The following AUTS2 variants were observed in gnomAD, a reference collection of about 807,000 sequenced individuals.
AUTS2 encodes the protein autism susceptibility gene 2 protein.
A neutral mutation model predicts 112.4 loss-of-function variants in AUTS2; 17 were observed. The ratio of observed to expected loss-of-function variants is 0.15; its 90% CI spans 0.10 to 0.23. The LOEUF (loss-of-function observed/expected upper bound fraction) is 0.23. Among genes scored for constraint, AUTS2 ranks in the 10% least tolerant of loss-of-function variants. AUTS2 has a pLI of 1.00. For synonymous variants in AUTS2, 751 were observed against 702.7 expected, an observed-to-expected ratio of 1.07 and a Z score of -1.09; for missense variants, 1,510 against 1,701.6, an observed-to-expected ratio of 0.89 and a Z score of 1.98.
intron 1 of AUTS2, among the ~76,000 whole-genome samples, chr7:69,712,102 A>T (rs1478652301): frequency 2.0e-5 from 3 of 152,060 alleles, no homozygotes; most frequent in African/African-American, 4.8e-5. Context: ...TCCTTCCCTC[A>T]TCATGGCACT....
At chr7:69,984,300 G>C (rs1360685555) in intron 2 of AUTS2, among the ~76,000 whole-genome samples, 1 of 151,724 alleles carries the variant, frequency 6.6e-6, no homozygotes, top group African/African-American at 2.4e-5. Context: ...CCAGCTACTT[G>C]GGAGGCTGAG....
intron 6 of AUTS2, among the ~76,000 whole-genome samples, chr7:70,727,181 T>C (rs1787088005): frequency 6.6e-6 from 1 of 152,216 alleles, no homozygotes; most frequent in Admixed American, 6.5e-5. Context: ...TTTCCGATTG[T>C]GATCAGGTTA....
chr7:70,650,053 T>C (rs1190754531), intron 5 of AUTS2, among the ~76,000 whole-genome samples: 4 of 152,212 alleles, frequency 2.6e-5, no homozygotes, highest in African/African-American at 4.8e-5. Flanking sequence ...GATTGGCTTC[T>C]CTGCCATTCT....
intron 4 of AUTS2, among the ~76,000 whole-genome samples, chr7:70,319,684 C>A (rs1416756321): frequency 1.3e-5 from 2 of 152,124 alleles, no homozygotes; most frequent in Admixed American, 6.6e-5. Context: ...TCTTGGTTTC[C>A]TCAGGGCTCA....
At chr7:69,649,454 A>G (rs1189518869) in intron 1 of AUTS2, among the ~76,000 whole-genome samples, 1 of 152,088 alleles carries the variant, frequency 6.6e-6, no homozygotes, top group East Asian at 1.9e-4. Flanking sequence ...ACAGTTGCCA[A>G]CAACCCGTGG....
chr7:70,698,288 G>A (rs540118245), intron 5 of AUTS2, among the ~76,000 whole-genome samples: 1 of 152,298 alleles, frequency 6.6e-6, no homozygotes, highest in East Asian at 1.9e-4. Flanking sequence ...GAGCTGAATT[G>A]CTTTGTGTAT....
chr7:70,498,159 G>T (rs1322616250), intron 5 of AUTS2, among the ~76,000 whole-genome samples: 2 of 152,166 alleles, frequency 1.3e-5, no homozygotes, highest in Non-Finnish European at 2.9e-5. Context: ...GAGGATGTCT[G>T]GGGAAGAGAA....
At chr7:69,864,166 T>A (rs899896175) in intron 1 of AUTS2, among the ~76,000 whole-genome samples, 1 of 152,164 alleles carries the variant, frequency 6.6e-6, no homozygotes, top group Non-Finnish European at 1.5e-5. Context: ...ACACATACTT[T>A]GTTCCAACAT....
intron 5 of AUTS2, among the ~76,000 whole-genome samples, chr7:70,573,048 G>C (rs1340106935): frequency 1.3e-5 from 2 of 152,112 alleles, no homozygotes; most frequent in East Asian, 3.9e-4. Context: ...ACTCTTCGGA[G>C]AGAACGGAGT....
intron 4 of AUTS2, among the ~76,000 whole-genome samples, chr7:70,401,303 G>A (rs1794316347): frequency 6.6e-6 from 1 of 152,154 alleles, no homozygotes; most frequent in Non-Finnish European, 1.5e-5. Flanking sequence ...GTGCCAGGAT[G>A]GGGCATATCA....
chr7:70,093,825 C>G (rs1381365793), intron 2 of AUTS2, among the ~76,000 whole-genome samples: 1 of 152,180 alleles, frequency 6.6e-6, no homozygotes, highest in African/African-American at 2.4e-5. Flanking sequence ...GGATCTAAAC[C>G]CAATAACCTT....
chr7:70,641,028 C>T (rs1033469467), intron 5 of AUTS2, among the ~76,000 whole-genome samples: 1 of 152,186 alleles, frequency 6.6e-6, no homozygotes. Context: ...CTTTTTCTCT[C>T]TCATTGGTCT....
intron 11 of AUTS2, 92 bp downstream of exon 11, chr7:70,771,736 C>G: frequency 8.9e-7 from 1 of 1,117,404 alleles, no homozygotes; most frequent in Non-Finnish European, 1.3e-6. Flanking sequence ...CTTGCCTGTG[C>G]AGTGACTCAT....
intron 5 of AUTS2, among the ~76,000 whole-genome samples, chr7:70,575,885 T>C (rs1802143793): frequency 6.6e-6 from 1 of 152,168 alleles, no homozygotes; most frequent in African/African-American, 2.4e-5. Context: ...ATTAAGGGTC[T>C]GGTTTGTTGA....
At chr7:70,374,677 T>C (rs969785010) in intron 4 of AUTS2, among the ~76,000 whole-genome samples, 3 of 152,224 alleles carry the variant, frequency 2.0e-5, no homozygotes, top group African/African-American at 4.8e-5. Context: ...AAAAAGTATA[T>C]TCACATATCA....
intron 1 of AUTS2, among the ~76,000 whole-genome samples, chr7:69,833,713 G>A (rs1238484555): frequency 6.6e-6 from 1 of 152,166 alleles, no homozygotes; most frequent in Non-Finnish European, 1.5e-5. Context: ...GGGATTACAG[G>A]TGTAAGCCAC....
At chr7:70,064,841 A>G (rs753374914) in intron 2 of AUTS2, among the ~76,000 whole-genome samples, 2 of 152,176 alleles carry the variant, frequency 1.3e-5, no homozygotes, top group Non-Finnish European at 2.9e-5. Flanking sequence ...AGTCGTTTGT[A>G]TCATGATTTG....
intron 15 of AUTS2, chr7:70,782,860 T>C (rs745729380): frequency 6.6e-6 from 1 of 152,180 alleles, no homozygotes; most frequent in Non-Finnish European, 1.5e-5. Flanking sequence ...ATCATCATTA[T>C]AATGGGCCTT....
intron 4 of AUTS2, among the ~76,000 whole-genome samples, chr7:70,297,760 G>A (rs1789013464): frequency 6.6e-6 from 1 of 152,136 alleles, no homozygotes; most frequent in Non-Finnish European, 1.5e-5. Context: ...AGGACAAACA[G>A]GATGTTCAGA....
Sources: gnomAD v4.1 joint callset for allele counts (sites outside exome capture counted in the v4.1 genomes callset) on GRCh38, gnomAD v4.1.1 for gene constraint, MANE v1.5 for transcripts, NCBI Gene and HGNC (gene_info 2026-07-23, HGNC 2026-07-21) for gene names.